KCNT2: variants seen among roughly 807,000 people sequenced by gnomAD.
KCNT2 encodes potassium channel subfamily T member 2.
In KCNT2, 67 loss-of-function variants were observed where a neutral mutation model predicts 153.8. That is an observed-to-expected ratio of 0.44 (90% CI 0.36 to 0.53). The LOEUF (loss-of-function observed/expected upper bound fraction) is 0.53. KCNT2 is among the 20% of genes least tolerant of loss of function. The probability of loss-of-function intolerance (pLI) is 0.00; values close to 1 mark genes in which losing one functional copy is unlikely to be tolerated. For missense variants in KCNT2, 975 were observed against 1,354.8 expected (o/e 0.72, Z 4.40); for synonymous variants, 500 against 458.8 (o/e 1.09, Z -1.15).
intron 19 of KCNT2, among the ~76,000 whole-genome samples, chr1:196,325,207 T>A (rs1022764945): frequency 6.6e-6 from 1 of 152,078 alleles, no homozygotes; most frequent in South Asian, 2.1e-4. Context: ...AGGAGGAAAG[T>A]ACAGTTTTGT....
At chr1:196,568,885 T>G (rs955323106) in intron 1 of KCNT2, among the ~76,000 whole-genome samples, 1 of 152,030 alleles carries the variant, frequency 6.6e-6, no homozygotes, top group Non-Finnish European at 1.5e-5. Flanking sequence ...GAGAAAAAAT[T>G]CATAGCTGTT....
intron 11 of KCNT2, among the ~76,000 whole-genome samples, chr1:196,424,298 A>G (rs1673460665): frequency 1.3e-5 from 2 of 152,008 alleles, no homozygotes; most frequent in Admixed American, 6.6e-5. Flanking sequence ...AGAAGCCTCC[A>G]TGTATTACAC....
At chr1:196,568,875 G>A (rs572028943) in intron 1 of KCNT2, among the ~76,000 whole-genome samples, 9 of 151,848 alleles carry the variant, frequency 5.9e-5, no homozygotes, top group Admixed American at 5.2e-4. Context: ...TTGGCACACA[G>A]AGAAAAAATT....
chr1:196,510,241 A>G (rs1218724002), intron 1 of KCNT2, among the ~76,000 whole-genome samples: 1 of 152,176 alleles, frequency 6.6e-6, no homozygotes, highest in Non-Finnish European at 1.5e-5. Context: ...ATATTAATAA[A>G]TAGTGACAAT....
chr1:196,546,539 A>G (rs1032659303), intron 1 of KCNT2, among the ~76,000 whole-genome samples: 8 of 152,056 alleles, frequency 5.3e-5, no homozygotes, highest in African/African-American at 1.9e-4. Flanking sequence ...CTGAGATCAC[A>G]GCTCAGAACA....
At chr1:196,467,843 C>A in intron 6 of KCNT2, 57 bp from the exon 7 acceptor site, 4 of 947,752 alleles carry the variant, frequency 4.2e-6, no homozygotes, top group East Asian at 2.5e-5. Flanking sequence ...AAACCATACC[C>A]AGTATACTAA....
At chr1:196,284,248 A>AAAAAATATATATAT in intron 23 of KCNT2, among the ~76,000 whole-genome samples, 2 of 10,048 alleles carry the variant, frequency 2.0e-4, no homozygotes, top group Non-Finnish European at 5.3e-4. Context: ...AAAAAAAAAA[A>AAAAAATATATATAT]ATATATATAT....
intron 1 of KCNT2, among the ~76,000 whole-genome samples, chr1:196,544,723 G>C (rs904868396): frequency 6.6e-6 from 1 of 152,022 alleles, no homozygotes; most frequent in Admixed American, 6.6e-5. Context: ...CACTAAGCAG[G>C]CTTTTCATCC....
chr1:196,394,031 G>T (rs1331299608), intron 13 of KCNT2, among the ~76,000 whole-genome samples: 3 of 151,534 alleles, frequency 2.0e-5, no homozygotes, highest in South Asian at 2.1e-4. Flanking sequence ...AAAATGATTT[G>T]ACATAACCAA....
At chr1:196,361,139 A>G (rs1225327807) in intron 14 of KCNT2, among the ~76,000 whole-genome samples, 1 of 151,952 alleles carries the variant, frequency 6.6e-6, no homozygotes, top group South Asian at 2.1e-4. Flanking sequence ...GAAGTAGGTT[A>G]AAAGAACCGG....
intron 12 of KCNT2, among the ~76,000 whole-genome samples, chr1:196,417,389 C>T (rs1417751306): frequency 6.6e-6 from 1 of 152,004 alleles, no homozygotes; most frequent in African/African-American, 2.4e-5. Context: ...TGCTATCAAA[C>T]CTATACATGT....
chr1:196,557,156 C>G (rs1289425864), intron 1 of KCNT2, among the ~76,000 whole-genome samples: 2 of 150,956 alleles, frequency 1.3e-5, no homozygotes, highest in Non-Finnish European at 3.0e-5. Context: ...TTGTTCAGAA[C>G]AAAAAGAATA....
chr1:196,495,295 CTTT>C (rs1680169551), intron 1 of KCNT2, among the ~76,000 whole-genome samples: 1 of 151,348 alleles, frequency 6.6e-6, no homozygotes, highest in Non-Finnish European at 1.5e-5. Context: ...AATGATAACT[CTTT>C]CTAGCAGCAA....
At chr1:196,507,403 T>A (rs1014704546) in intron 1 of KCNT2, among the ~76,000 whole-genome samples, 13 of 152,294 alleles carry the variant, frequency 8.5e-5, no homozygotes, top group African/African-American at 3.1e-4. Context: ...GGAAAAGACA[T>A]TAATGTATAG....
chr1:196,593,233 G>T (rs1395470268), intron 1 of KCNT2, among the ~76,000 whole-genome samples: 1 of 147,600 alleles, frequency 6.8e-6, no homozygotes, highest in Non-Finnish European at 1.5e-5. Flanking sequence ...TTCCATCCAG[G>T]TTGCTGCAAA....
chr1:196,284,911 A>G (rs1659517436), intron 23 of KCNT2, among the ~76,000 whole-genome samples: 1 of 152,238 alleles, frequency 6.6e-6, no homozygotes, highest in Non-Finnish European at 1.5e-5. Flanking sequence ...TAGGTACAAT[A>G]AAATGCTGAA....
At chr1:196,328,511 C>G (rs57078528) in intron 18 of KCNT2, among the ~76,000 whole-genome samples, 14 of 151,494 alleles carry the variant, frequency 9.2e-5, no homozygotes, top group Admixed American at 9.2e-4. Flanking sequence ...ATGAGAAGAT[C>G]TTAAAGCAGA....
intron 26 of KCNT2, among the ~76,000 whole-genome samples, chr1:196,249,575 C>T (rs1655766402): frequency 6.6e-6 from 1 of 152,060 alleles, no homozygotes; most frequent in African/African-American, 2.4e-5. Flanking sequence ...GAGTTTGAGA[C>T]CAGCCTGGCC....
At chr1:196,496,322 G>A (rs1198023310) in intron 1 of KCNT2, among the ~76,000 whole-genome samples, 1 of 151,982 alleles carries the variant, frequency 6.6e-6, no homozygotes, top group Non-Finnish European at 1.5e-5. Context: ...CAAAAAATTA[G>A]CCGGGCATGG....
Sources: allele counts gnomAD v4.1 joint callset (sites outside exome capture counted in the v4.1 genomes callset), GRCh38; gene constraint gnomAD v4.1.1; transcripts MANE v1.5; gene names NCBI Gene and HGNC (gene_info 2026-07-23, HGNC 2026-07-21).